Variants in PIK3CG observed in about 807,000 individuals in gnomAD.
The protein encoded by PIK3CG is phosphatidylinositol 4,5-bisphosphate 3-kinase catalytic subunit gamma isoform.
A neutral mutation model predicts 102.3 loss-of-function variants in PIK3CG; 55 were observed. The ratio of observed to expected loss-of-function variants is 0.54; its 90% CI spans 0.43 to 0.67. PIK3CG has a LOEUF of 0.67. PIK3CG is among the 30% of genes least tolerant of loss of function. The pLI, the probability that PIK3CG is intolerant of heterozygous loss-of-function variation, is 0.00. For synonymous variants in PIK3CG, 552 were observed against 540.0 expected, an observed-to-expected ratio of 1.02 and a Z score of -0.31; for missense variants, 1,258 against 1,391.8, an observed-to-expected ratio of 0.90 and a Z score of 1.53.
Position 106,897,174 on chromosome 7 carries a change from C to G in PIK3CG, c.3031-7935C>G, listed in dbSNP as rs1292456575. 6.6e-6 allele frequency among the ~76,000 whole-genome samples: 1 copy of G among 151,862 alleles called. No homozygotes were observed. The highest frequency in any genetic ancestry group is 2.4e-5 in the African/African-American group (1 of 41,312). Reference sequence around the variant, plus strand: ...TTTTGTGAATCTTTTTTTATCAGTCCCCTATTGTAGGACATTATTAATAGA... The same window carrying G: ...TTTTGTGAATCTTTTTTTATCAGTCGCCTATTGTAGGACATTATTAATAGA... On this transcript the variant is annotated intron_variant, in intron 10 of 10. Transcript: ENST00000496166. This position sits in a 1 kb window ranked among gnomAD's most constrained non-coding sequence, Gnocchi z 4.6.
chr7:106,897,880 C>T lies in PIK3CG; in HGVS notation c.3031-7229C>T, dbSNP rs544360661. On this transcript the variant is annotated intron_variant, in intron 10 of 10. Coordinates refer to ENST00000496166, the MANE Select transcript of PIK3CG (RefSeq NM_001282426.2). This position sits in a 1 kb window ranked among gnomAD's most constrained non-coding sequence, Gnocchi z 4.6. Reference sequence around the variant, plus strand: ...TTTTTATGGTAGAATGATTTCTATTCCTCTGGGTATATACCCAGTAATGGG... The same window carrying T: ...TTTTTATGGTAGAATGATTTCTATTTCTCTGGGTATATACCCAGTAATGGG... Among the ~76,000 whole-genome samples, 10 of 152,282 alleles carry T rather than the reference C, an allele frequency of 6.6e-5. No individual in the cohort carries two copies. Among genetic ancestry groups the T allele is most frequent in the African/African-American group, 2.4e-4 (10 of 41,550 alleles).
At position 106,903,403 on chromosome 7, in the gene PIK3CG, T is replaced by C. The variant is rs540979938; in HGVS notation, c.3031-1706T>C. On this transcript the variant is annotated intron_variant, in intron 10 of 10. Coordinates refer to ENST00000496166, the MANE Select transcript of PIK3CG (RefSeq NM_001282426.2). The surrounding 1 kb of genome is among the most constrained non-coding windows in gnomAD (Gnocchi z 4.3). ...TAATTTATATCATTATAAGCAGTCT[T>C]GTCACTGAGGGATGTTCAAAAACTG... is the stretch of plus-strand genomic sequence containing the variant. Among the ~76,000 whole-genome samples, 3 of 152,114 alleles carry C rather than the reference T, an allele frequency of 2.0e-5. No homozygotes were observed. The highest frequency in any genetic ancestry group is 4.1e-4 in the South Asian group (2 of 4,828).
At chr7:106,898,422 C>T (rs1293225611) in intron 10 of PIK3CG, among the ~76,000 whole-genome samples, 1 of 152,082 alleles carries the variant, frequency 6.6e-6, no homozygotes, top group South Asian at 2.1e-4. Flanking sequence ...GTTGCAGTTG[C>T]TTTTGGTGTC....
intron 6 of PIK3CG, among the ~76,000 whole-genome samples, chr7:106,881,915 G>A (rs1790949025): frequency 6.6e-6 from 1 of 151,810 alleles, no homozygotes; most frequent in Non-Finnish European, 1.5e-5. Context: ...GGTACATTTC[G>A]GAAAACAAAA....
rs1293476960 is a variant in PIK3CG at position 106,868,095 on chromosome 7, T to C, written c.534T>C (p.Arg178=). The change falls in exon 2 of 11, where the codon CGT becomes CGC. Residue 178 remains arginine, a synonymous_variant. Coordinates refer to ENST00000496166, the MANE Select transcript of PIK3CG (RefSeq NM_001282426.2). The surrounding 1 kb of genome is among the most constrained non-coding windows in gnomAD (Gnocchi z 6.2). ...VHDDELEFTR[R]GLVTPRMAEV... is the part of the protein sequence containing the mutation. ...ACGATGAGCTGGAGTTCACGCGCCGTGGCTTGGTGACCCCGCGCATGGCGG... is the reference window on the plus strand; with the variant it reads ...ACGATGAGCTGGAGTTCACGCGCCGCGGCTTGGTGACCCCGCGCATGGCGG... The C allele has an allele frequency of 6.2e-7, 1 of 1,612,892 alleles. No individual in the cohort carries two copies. The highest frequency in any genetic ancestry group is 1.3e-5 in the African/African-American group (1 of 75,052).
rs1228647781 is a variant in PIK3CG at position 106,907,676 on chromosome 7, TG to T, written c.*2290del. Among the ~76,000 whole-genome samples, 1 of 148,854 alleles carries T rather than the reference TG, an allele frequency of 6.7e-6. No individual in the cohort carries two copies. The highest frequency in any genetic ancestry group is 1.5e-5 in the Non-Finnish European group (1 of 67,082). On this transcript the variant is annotated 3_prime_UTR_variant, in exon 11 of 11. Coordinates refer to ENST00000496166, the MANE Select transcript of PIK3CG (RefSeq NM_001282426.2). ...TTTATATTTAGCTTATTGGCACATG[TG>T]CATACATATTTCCTCTTCAAATGAA...
In PIK3CG at chr7:106,867,672, C is replaced by T. The variant is rs1790344936; in HGVS notation, c.111C>T (p.Leu37=). The change falls in exon 2 of 11, where the codon CTC becomes CTT. Residue 37 remains leucine (L), a synonymous_variant. Transcript: ENST00000496166. The surrounding 1 kb of genome is among the most constrained non-coding windows in gnomAD (Gnocchi z 5.1). ...CGGCCAGCCTGTCCTCCATGGAGCT[C>T]ATCCCCATCGAGTTCGTGCTGCCCA... The part of the protein sequence containing the change: ...SAAASLSSME[L]IPIEFVLPTS... 1 of 1,613,282 alleles carries T rather than the reference C, an allele frequency of 6.2e-7. No individual in the cohort carries two copies. Among genetic ancestry groups the T allele is most frequent in the Admixed American group, 1.7e-5 (1 of 60,016 alleles).
At chr7:106,885,112 C>T (rs1288609913) in intron 9 of PIK3CG, among the ~76,000 whole-genome samples, 1 of 152,074 alleles carries the variant, frequency 6.6e-6, no homozygotes, top group Non-Finnish European at 1.5e-5. Flanking sequence ...GCTGTGTGGC[C>T]CAGTTCCTAA....
rs1562952453 is a variant in PIK3CG, at chr7:106,867,006, C to T, written c.-12-544C>T. Among the ~76,000 whole-genome samples, 3 of 152,082 alleles carry T rather than the reference C, an allele frequency of 2.0e-5. No homozygotes were observed. Among genetic ancestry groups the T allele is most frequent in the Admixed American group, 6.6e-5 (1 of 15,264 alleles). On this transcript the variant is annotated intron_variant, in intron 1 of 10. Transcript: ENST00000496166. The surrounding 1 kb of genome is among the most constrained non-coding windows in gnomAD (Gnocchi z 5.1). ...AGGAAGTAAGTTAAAGGCCTGTTTT[C>T]AAAGTGAGATTTTTTGGCATCTCGT...
chr7:106,876,763 T>C (rs1454159171), intron 5 of PIK3CG, among the ~76,000 whole-genome samples: 3 of 152,190 alleles, frequency 2.0e-5, no homozygotes, highest in African/African-American at 7.2e-5. Context: ...CAGATATACA[T>C]TTTACAGATA....
At chr7:106,871,437 T>A (rs373055918) in intron 2 of PIK3CG, among the ~76,000 whole-genome samples, 3 of 152,256 alleles carry the variant, frequency 2.0e-5, no homozygotes, top group East Asian at 1.9e-4. Context: ...AAGCCACTAG[T>A]GATCATGTCC....
chr7:106,885,258 G>A (rs756895145), intron 9 of PIK3CG, among the ~76,000 whole-genome samples: 16 of 152,116 alleles, frequency 1.1e-4, no homozygotes, highest in South Asian at 2.1e-4. Context: ...TAGAGGGACC[G>A]CTGGAAAACT....
chr7:106,886,393 C>T lies in PIK3CG; in HGVS notation c.3030+101C>T, dbSNP rs1032564529. On this transcript the variant is annotated intron_variant, in intron 10 of 10. Coordinates refer to ENST00000496166, the MANE Select transcript of PIK3CG (RefSeq NM_001282426.2). Reference sequence around the variant, plus strand: ...CTCTCACTCAGCTTGGAGGCCAGTCCAGCCTCTACCCCTACCCTCTTCTGG... The same window carrying T: ...CTCTCACTCAGCTTGGAGGCCAGTCTAGCCTCTACCCCTACCCTCTTCTGG... The T allele has an allele frequency of 1.2e-5, 14 of 1,141,134 alleles. No individual in the cohort carries two copies. The Admixed American group carries it at 3.0e-4, about 24-fold the overall frequency. 70.7% of individuals were successfully genotyped at this position (1,141,134 alleles called of 1,614,324 possible).
intron 10 of PIK3CG, 140 bp downstream of exon 10, chr7:106,886,432 A>C: frequency 3.0e-6 from 2 of 669,458 alleles, no homozygotes; most frequent in South Asian, 2.5e-5. Flanking sequence ...GGCCAACCCT[A>C]CCTCCTCCCT....
At chr7:106,865,617 C>T (rs1299354658) in intron 1 of PIK3CG, 191 bp downstream of exon 1, 1 of 152,228 alleles carries the variant, frequency 6.6e-6, no homozygotes, top group East Asian at 1.9e-4. Flanking sequence ...TTTGCAGGTG[C>T]ATCACATTTT....
chr7:106,880,095 G>A lies in PIK3CG; in HGVS notation c.2538+430G>A, dbSNP rs182064135. ...ATCAAGCAAATGATTTTATGGGAAG[G>A]AGAAAGATGAACAAGTAGGTCACCA... On this transcript the variant is annotated intron_variant, in intron 6 of 10. Coordinates refer to ENST00000496166, the MANE Select transcript of PIK3CG (RefSeq NM_001282426.2). This position sits in a 1 kb window ranked among gnomAD's most constrained non-coding sequence, Gnocchi z 4.2. Among the ~76,000 whole-genome samples the A allele has an allele frequency of 6.6e-6, 1 of 152,332 alleles. No individual in the cohort carries two copies. The highest frequency in any genetic ancestry group is 2.4e-5 in the African/African-American group (1 of 41,578).
At position 106,891,762 on chromosome 7, in the gene PIK3CG, A is replaced by G. The variant is rs1791269551; in HGVS notation, c.3030+5470A>G. ...CTCTTAAGAAGCATTTTATAGGAGA[A>G]AAGTCTGGAGCCCATTCGTTGTGTT... On this transcript the variant is annotated intron_variant, in intron 10 of 10. Transcript: ENST00000496166. This position sits in a 1 kb window ranked among gnomAD's most constrained non-coding sequence, Gnocchi z 4.4. 6.6e-6 allele frequency among the ~76,000 whole-genome samples: 1 copy of G among 151,956 alleles called. No individual in the cohort carries two copies. The highest frequency in any genetic ancestry group is 2.4e-5 in the African/African-American group (1 of 41,372).
Position 106,868,587 on chromosome 7 carries a change from C to T in PIK3CG, c.1026C>T (p.His342=), listed in dbSNP as rs539823993. The T allele has an allele frequency of 8.7e-6, 14 of 1,614,192 alleles. No homozygotes were observed. The highest frequency in any genetic ancestry group is 4.4e-5 in the South Asian group (4 of 91,082). The change falls in exon 2 of 11, where the codon CAC becomes CAT. Residue 342 remains histidine (H), a synonymous_variant. Coordinates refer to ENST00000496166, the MANE Select transcript of PIK3CG (RefSeq NM_001282426.2). This position sits in a 1 kb window ranked among gnomAD's most constrained non-coding sequence, Gnocchi z 6.2. ...VTGYHEQLTI[H]GKDHESVFTV... ...GCTACCATGAGCAGCTTACCATCCA[C>T]GGCAAGGACCACGAGAGTGTGTTCA...
In PIK3CG at chr7:106,867,944, C is replaced by G. The variant is rs758375337; in HGVS notation, c.383C>G (p.Thr128Arg). The G allele has an allele frequency of 6.2e-7, 1 of 1,613,082 alleles. No homozygotes were observed. The highest frequency in any genetic ancestry group is 8.5e-7 in the Non-Finnish European group (1 of 1,179,850). ...GACTGCCTGCGCTACTGGAAGGCCA[C>G]GCACCGGAGCCCGGGCCAGATCCAC... Reference protein sequence around the residue: ...TLDCLRYWKATHRSPGQIHLV... With the variant: ...TLDCLRYWKARHRSPGQIHLV... Residue 128 changes from threonine (T) to arginine (R), a missense_variant, in exon 2 of 11, where the codon ACG becomes AGG. By Grantham distance (71) the Thr-to-Arg change is moderately conservative (BLOSUM62 -1). This residue lies in a region of PIK3CG where 832 missense variants were observed against 787.5 expected (regional missense o/e 1.06). Coordinates refer to ENST00000496166, the MANE Select transcript of PIK3CG (RefSeq NM_001282426.2). This position sits in a 1 kb window ranked among gnomAD's most constrained non-coding sequence, Gnocchi z 5.1.
Sources: gnomAD v4.1 joint callset for allele counts (sites outside exome capture counted in the v4.1 genomes callset) on GRCh38, gnomAD v4.1.1 for gene constraint, gnomAD v4.1.1 regional missense constraint, Gnocchi (gnomAD v3.1) non-coding constraint, MANE v1.5 for transcripts, NCBI Gene and HGNC (gene_info 2026-07-23, HGNC 2026-07-21) for gene names.